The following ZNF559 variants were observed in gnomAD, a reference collection of about 807,000 sequenced individuals.
ZNF559 encodes putative protein product of Nbla00121.
ZNF559 carries 17 observed loss-of-function variants against 14.2 expected under a neutral mutation model. The observed-to-expected ratio is 1.20, with a 90% confidence interval of 0.82 to 1.80. The LOEUF (loss-of-function observed/expected upper bound fraction) is 1.80. Among genes scored for constraint, ZNF559 ranks in the 40% most tolerant of loss-of-function variants. The pLI is 0.00. For missense variants in ZNF559, 740 were observed against 629.7 expected (o/e 1.18, Z -1.88); for synonymous variants, 244 against 212.4 (o/e 1.15, Z -1.29).
Position 9,343,408 on chromosome 19 carries a change from C to A in ZNF559, c.*340C>A. The A allele has an allele frequency of 1.8e-6, 2 of 1,090,878 alleles. No individual in the cohort carries two copies. The highest frequency in any genetic ancestry group is 3.0e-5 in the South Asian group (1 of 33,878). 67.6% of individuals were successfully genotyped at this position (1,090,878 alleles called of 1,614,324 possible). On this transcript the variant is annotated 3_prime_UTR_variant, in exon 7 of 7. Coordinates refer to ENST00000603380, the MANE Select transcript of ZNF559 (RefSeq NM_032497.3). ...AATGTGAGGAAGGTGGAAAAGCTTT[C>A]ATTATTTTCCTCGGGCCTTACTGAG...
upstream of ZNF559, chr19:9,324,110 G>A (rs1001622813): frequency 6.1e-5 from 93 of 1,515,988 alleles, no homozygotes; most frequent in Middle Eastern, 1.7e-4. Context: ...TGATGGGCCC[G>A]GGAACCCGAG....
chr19:9,342,901 A>G lies in ZNF559; in HGVS notation c.1450A>G (p.Met484Val), dbSNP rs537984803. 2.0e-4 allele frequency: 319 copies of G among 1,614,156 alleles called. No individual in the cohort carries two copies. In the South Asian group the frequency reaches 3.3e-3, roughly 17 times the overall value. Residue 484 changes from methionine to valine, a missense_variant, in exon 7 of 7, where the codon ATG becomes GTG. Transcript: ENST00000603380. ...FSISSGLTVH[M>V]RTHTGERPFE... ...TATCTCATCAGGCCTTACAGTACAC[A>G]TGAGAACTCACACTGGTGAACGGCC...
chr19:9,343,292 G>T lies in ZNF559; in HGVS notation c.*224G>T. 1 of 1,330,168 alleles carries T rather than the reference G, an allele frequency of 7.5e-7. No homozygotes were observed. The highest frequency in any genetic ancestry group is 9.6e-7 in the Non-Finnish European group (1 of 1,039,702). 82.4% of individuals were successfully genotyped at this position (1,330,168 alleles called of 1,614,324 possible). A position where few individuals can be genotyped will look rare whatever the true frequency, so the allele number is the denominator to read the frequency against. ...TAGGCCTTACTATTCATGTGTCTGT[G>T]CATCCTAGGAAACAAACTGAACGTA... On this transcript the variant is annotated 3_prime_UTR_variant, in exon 7 of 7. Coordinates refer to ENST00000603380, the MANE Select transcript of ZNF559 (RefSeq NM_032497.3).
chr19:9,339,035 G>A (rs1476819054), intron 4 of ZNF559, among the ~76,000 whole-genome samples, 158 bp from the exon 5 acceptor site: 1 of 152,120 alleles, frequency 6.6e-6, no homozygotes, highest in Non-Finnish European at 1.5e-5. Flanking sequence ...TGAGATCACC[G>A]GTGAATATGT....
intron 2 of ZNF559, among the ~76,000 whole-genome samples, chr19:9,335,127 C>T (rs2067159123): frequency 9.4e-6 from 1 of 106,262 alleles, no homozygotes; most frequent in African/African-American, 4.3e-5. Flanking sequence ...CAGAGCGAGA[C>T]TCTGTCTCAA....
At position 9,342,899 on chromosome 19, in the gene ZNF559, A is replaced by G. The variant is rs894207582; in HGVS notation, c.1448A>G (p.His483Arg). ...AFSISSGLTV[H>R]MRTHTGERPF... is the part of the protein sequence containing the mutation. ...AGTATCTCATCAGGCCTTACAGTAC[A>G]CATGAGAACTCACACTGGTGAACGG... The change falls in exon 7 of 7, where the codon CAC becomes CGC. Residue 483 changes from histidine (H) to arginine (R), a missense_variant. Coordinates refer to ENST00000603380, the MANE Select transcript of ZNF559 (RefSeq NM_032497.3). 6.2e-7 allele frequency: 1 copy of G among 1,614,210 alleles called. No homozygotes were observed. The highest frequency in any genetic ancestry group is 8.5e-7 in the Non-Finnish European group (1 of 1,180,028).
intron 2 of ZNF559, among the ~76,000 whole-genome samples, chr19:9,325,183 A>G (rs893658287): frequency 8.0e-4 from 121 of 152,190 alleles, no homozygotes; most frequent in African/African-American, 2.8e-3. Context: ...GGTGGCTCAC[A>G]CCTGTAATCC....
rs71183701 is a variant in ZNF559, at chr19:9,326,105, ATTTTTTTTTT to A, written c.-120+1342_-120+1351del. On this transcript the variant is annotated intron_variant, in intron 2 of 6. Transcript: ENST00000603380. ...GTTTTTTAACTAGACTATTCACCTGATTTTTTTTTTTTTTTTTTTTTTTTTTGAGACGGAG... is the reference window on the plus strand; with the variant it reads ...GTTTTTTAACTAGACTATTCACCTGATTTTTTTTTTTTTTTTGAGACGGAG... Among the ~76,000 whole-genome samples, 736 of 73,756 alleles carry A rather than the reference ATTTTTTTTTT, an allele frequency of 1.0e-2. 11 individuals are homozygous for A. Among genetic ancestry groups the A allele is most frequent in the African/African-American group, 0.035 (708 of 20,486 alleles). 48.4% of individuals were successfully genotyped at this position (73,756 alleles called of 152,430 possible).
At chr19:9,324,408 T>C in intron 1 of ZNF559, 180 bp downstream of exon 1, 2 of 1,452,332 alleles carry the variant, frequency 1.4e-6, no homozygotes, top group South Asian at 2.9e-5. Flanking sequence ...CAGTCAGGTC[T>C]GTCCTCAGGG....
rs34300605 is a variant in ZNF559, at chr19:9,344,648, C to CAA, written c.*1589_*1590dup. 2,287 of 148,278 alleles carry CAA rather than the reference C, an allele frequency of 0.015. 54 individuals carry two copies. Among genetic ancestry groups the CAA allele is most frequent in the African/African-American group, 0.051 (2,076 of 40,458 alleles). The allele number at this position is 148,278 out of a possible 1,614,324, so 9.2% of individuals were successfully genotyped here. On this transcript the variant is annotated 3_prime_UTR_variant, in exon 7 of 7. Transcript: ENST00000603380. ...TGGGCAACAGGATGAGACCCTGTCT[C>CAA]AAAAAAAAAAGAAAATTGACGCCAG...
chr19:9,340,962 T>C (rs2067546841), intron 5 of ZNF559, 140 bp from the exon 6 acceptor site: 1 of 687,284 alleles, frequency 1.5e-6, no homozygotes. Context: ...TCTCAATTTA[T>C]GTTTCCCGTT....
rs1277994416 is a variant in ZNF559, at chr19:9,345,455, A to G, written c.*2387A>G. On this transcript the variant is annotated 3_prime_UTR_variant, in exon 7 of 7. Transcript: ENST00000603380. ...TTGCAATTCTTCTGCATCCTTGCCA[A>G]TTATTGGTATGGTCAGTCTTTTTTA... 1 of 152,124 alleles carries G rather than the reference A, an allele frequency of 6.6e-6. No individual in the cohort carries two copies. The highest frequency in any genetic ancestry group is 1.9e-4 in the East Asian group (1 of 5,194). The allele number at this position is 152,124 out of a possible 1,614,324, so 9.4% of individuals were successfully genotyped here.
chr19:9,340,959 TTA>T (rs2067546659), intron 5 of ZNF559, 141 bp from the exon 6 acceptor site: 1 of 683,280 alleles, frequency 1.5e-6, no homozygotes, highest in African/African-American at 1.8e-5. Context: ...ATTTCTCAAT[TTA>T]TGTTTCCCGT....
chr19:9,324,770 G>C lies in ZNF559; in HGVS notation c.-130G>C, dbSNP rs1432855389. On this transcript the variant is annotated 5_prime_UTR_variant, in exon 2 of 7. Transcript: ENST00000603380. ...CTGGCCTCAGCAACCTGACAATTCT[G>C]TCGTGTCCCGGTGAGCACTTCATGC... The C allele has an allele frequency of 2.0e-6, 3 of 1,535,950 alleles. No individual in the cohort carries two copies. In the Admixed American group the frequency reaches 5.9e-5, roughly 30 times the overall value.
intron 2 of ZNF559, among the ~76,000 whole-genome samples, chr19:9,329,346 C>G (rs1444548170): frequency 6.6e-6 from 1 of 151,716 alleles, no homozygotes; most frequent in Non-Finnish European, 1.5e-5. Flanking sequence ...TGTTGAAGTC[C>G]CCTACTGTTA....
At chr19:9,330,102 T>C (rs1251268187) in intron 2 of ZNF559, 3 of 152,238 alleles carry the variant, frequency 2.0e-5, no homozygotes, top group African/African-American at 7.2e-5. Context: ...TTTATTCCTG[T>C]CTTCTCTTGC....
At chr19:9,341,579 A>C (rs2067589371) in intron 6 of ZNF559, 116 bp from the exon 7 acceptor site, 1 of 1,548,988 alleles carries the variant, frequency 6.5e-7, no homozygotes, top group African/African-American at 1.4e-5. Flanking sequence ...AGGAACAAAC[A>C]GTTTCAATTA....
rs1030232115 is a variant in ZNF559, at chr19:9,344,739, A to G, written c.*1671A>G. On this transcript the variant is annotated 3_prime_UTR_variant, in exon 7 of 7. Transcript: ENST00000603380. ...ATGTCTTTAAAGACTAATGATATTG[A>G]ACATCACTTTCATATGCTTATGAGT... The G allele has an allele frequency of 6.6e-6, 1 of 152,250 alleles. No individual in the cohort carries two copies. Among genetic ancestry groups the G allele is most frequent in the Admixed American group, 6.5e-5 (1 of 15,288 alleles). 9.4% of individuals were successfully genotyped at this position (152,250 alleles called of 1,614,324 possible).
In ZNF559 at chr19:9,339,273, A is replaced by G. The variant is rs1485356690; in HGVS notation, c.114A>G (p.Leu38=). The G allele has an allele frequency of 6.2e-7, 1 of 1,613,944 alleles. No individual in the cohort carries two copies. Among genetic ancestry groups the G allele is most frequent in the East Asian group, 2.2e-5 (1 of 44,858 alleles). ...TGCTGGATCAAACTCAGAGAAACTTATACAGAGATGTGATGCTGGAGAACT... is the reference window on the plus strand; with the variant it reads ...TGCTGGATCAAACTCAGAGAAACTTGTACAGAGATGTGATGCTGGAGAACT... ...WTLLDQTQRN[L]YRDVMLENYK... is the part of the protein sequence containing the mutation. The change falls in exon 5 of 7, where the codon TTA becomes TTG. Residue 38 remains leucine, a synonymous_variant. Transcript: ENST00000603380.
Sources: gnomAD v4.1 joint callset for allele counts (sites outside exome capture counted in the v4.1 genomes callset) on GRCh38, gnomAD v4.1.1 for gene constraint, MANE v1.5 for transcripts, NCBI Gene and HGNC (gene_info 2026-07-23, HGNC 2026-07-21) for gene names.